Variants in ZNF17 observed in about 807,000 individuals in gnomAD.
ZNF17 encodes zinc finger protein 17, also known as zinc finger protein 17 (HPF3, KOX 10).
ZNF17 carries 4 observed loss-of-function variants against 7.7 expected under a neutral mutation model. The ratio of observed to expected loss-of-function variants is 0.52; its 90% CI spans 0.26 to 1.20. ZNF17 has a LOEUF of 1.20. Ranked by LOEUF, ZNF17 falls within the 50% of genes most tolerant of loss-of-function variation. ZNF17 has a pLI of 0.14. For missense variants in ZNF17, 738 were observed against 799.5 expected, an observed-to-expected ratio of 0.92 and a Z score of 0.93; for synonymous variants, 249 against 258.8, an observed-to-expected ratio of 0.96 and a Z score of 0.36.
chr19:57,412,140 A>C (rs2088781269), intron 1 of ZNF17, among the ~76,000 whole-genome samples: 1 of 152,138 alleles, frequency 6.6e-6, no homozygotes, highest in Non-Finnish European at 1.5e-5. Context: ...ATCTGCAAAA[A>C]CGGAGTTCTG....
At chr19:57,416,182 A>G (rs915084929) in intron 2 of ZNF17, among the ~76,000 whole-genome samples, 5 of 152,146 alleles carry the variant, frequency 3.3e-5, no homozygotes, top group Non-Finnish European at 7.4e-5. Context: ...CATTCTGGTC[A>G]TTCTAGGGGC....
chr19:57,411,599 C>G (rs2088777305), intron 1 of ZNF17, 193 bp downstream of exon 1: 1 of 1,405,354 alleles, frequency 7.1e-7, no homozygotes, highest in Admixed American at 2.9e-5. Context: ...AGAGGTGCTG[C>G]AGAGCGGGCG....
chr19:57,417,414 CAT>C (rs1379226485), intron 2 of ZNF17, among the ~76,000 whole-genome samples: 5 of 152,062 alleles, frequency 3.3e-5, no homozygotes, highest in Admixed American at 6.6e-5. Context: ...GAGAAAGAAT[CAT>C]GTGTGATTGT....
chr19:57,415,390 T>C (rs1325497564), intron 2 of ZNF17, among the ~76,000 whole-genome samples: 1 of 152,114 alleles, frequency 6.6e-6, no homozygotes, highest in Non-Finnish European at 1.5e-5. Context: ...AAGTCAAAAA[T>C]GTTCCAGAGA....
Position 57,420,783 on chromosome 19 carries a change from A to T in ZNF17, c.1297A>T (p.Ile433Phe). 1 of 1,614,162 alleles carries T rather than the reference A, an allele frequency of 6.2e-7. No homozygotes were observed. Among genetic ancestry groups the T allele is most frequent in the Non-Finnish European group, 8.5e-7 (1 of 1,180,030 alleles). Residue 433 changes from isoleucine to phenylalanine, a missense_variant, in exon 4 of 4, where the codon ATT (isoleucine) becomes TTT (phenylalanine). Transcript: ENST00000307658. Reference sequence around the variant, plus strand: ...CTTTATGGACACTTCCACACTCATTATTCATCAGAGAGTTCATACTGGAGA... The same window carrying T: ...CTTTATGGACACTTCCACACTCATTTTTCATCAGAGAGTTCATACTGGAGA... ...KFFMDTSTLI[I>F]HQRVHTGEKP... is the part of the protein sequence containing the mutation.
At position 57,421,579 on chromosome 19, in the gene ZNF17, A is replaced by G; in HGVS notation, c.*98A>G. On this transcript the variant is annotated 3_prime_UTR_variant, in exon 4 of 4. Coordinates refer to ENST00000307658, the MANE Select transcript of ZNF17 (RefSeq NM_001330617.2). The stretch of plus-strand genomic sequence containing the variant: ...GTTTTAAAAAAAGTATTCTTGTAGA[A>G]TACAGATAACATAAAATCTAACATC... 1 of 1,331,178 alleles carries G rather than the reference A, an allele frequency of 7.5e-7. No individual in the cohort carries two copies. 82.5% of individuals were successfully genotyped at this position (1,331,178 alleles called of 1,614,324 possible).
chr19:57,416,420 A>G (rs1373091835), intron 2 of ZNF17, among the ~76,000 whole-genome samples: 1 of 152,076 alleles, frequency 6.6e-6, no homozygotes, highest in African/African-American at 2.4e-5. Flanking sequence ...GGTGAGTCCA[A>G]GTTTGGTTAT....
chr19:57,413,435 A>G, intron 1 of ZNF17, 161 bp from the exon 2 acceptor site: 1 of 658,622 alleles, frequency 1.5e-6, no homozygotes, highest in East Asian at 2.7e-5. Flanking sequence ...GGGCACCGAG[A>G]CTTAAGGAAG....
In ZNF17 at chr19:57,420,149, G is replaced by C; in HGVS notation, c.663G>C (p.Glu221Asp). The change falls in exon 4 of 4, where the codon GAG becomes GAC. Residue 221 changes from glutamate (E) to aspartate (D), a missense_variant. Glu to Asp is a conservative substitution (Grantham distance 45). Coordinates refer to ENST00000307658, the MANE Select transcript of ZNF17 (RefSeq NM_001330617.2). ...TCCACACAGAGGAAAGGCCTTATGAGTGCAGTGAATGTGGCAAATTGTTTA... is the reference window on the plus strand; with the variant it reads ...TCCACACAGAGGAAAGGCCTTATGACTGCAGTGAATGTGGCAAATTGTTTA... Reference protein sequence around the residue: ...QKIHTEERPYECSECGKLFRY... With the variant: ...QKIHTEERPYDCSECGKLFRY... 1.2e-6 allele frequency: 2 copies of C among 1,613,592 alleles called. No individual in the cohort carries two copies. Among genetic ancestry groups the C allele is most frequent in the Non-Finnish European group, 1.7e-6 (2 of 1,179,470 alleles).
In ZNF17 at chr19:57,411,333, C is replaced by T; in HGVS notation, c.-94C>T. ...CAGGCGTTGGTGCCTCTGTCAGCGT[C>T]CAGGTCACTGCCGCTCCCGCCCCGC... On this transcript the variant is annotated 5_prime_UTR_variant, in exon 1 of 4. Transcript: ENST00000307658. 2 of 1,595,734 alleles carry T rather than the reference C, an allele frequency of 1.3e-6. No individual in the cohort carries two copies. The highest frequency in any genetic ancestry group is 1.7e-6 in the Non-Finnish European group (2 of 1,171,350).
intron 2 of ZNF17, among the ~76,000 whole-genome samples, chr19:57,415,236 C>T (rs935323655): frequency 5.9e-5 from 9 of 152,000 alleles, no homozygotes. Context: ...CGAGGAAGCT[C>T]GGGAGGTAGG....
At chr19:57,414,906 G>C (rs1446626694) in intron 2 of ZNF17, among the ~76,000 whole-genome samples, 1 of 151,628 alleles carries the variant, frequency 6.6e-6, no homozygotes, top group African/African-American at 2.4e-5. Context: ...AGTAGAGCCA[G>C]GGTTTCACCG....
Position 57,411,354 on chromosome 19 carries a change from C to G in ZNF17, c.-73C>G. The G allele has an allele frequency of 6.2e-7, 1 of 1,610,946 alleles. No individual in the cohort carries two copies. The highest frequency in any genetic ancestry group is 8.5e-7 in the Non-Finnish European group (1 of 1,178,596). On this transcript the variant is annotated 5_prime_UTR_variant, in exon 1 of 4. Coordinates refer to ENST00000307658, the MANE Select transcript of ZNF17 (RefSeq NM_001330617.2). ...GCGTCCAGGTCACTGCCGCTCCCGC[C>G]CCGCTCTTCCCTGGCTGTGCTGGCG...
At chr19:57,415,404 G>T (rs1392475612) in intron 2 of ZNF17, among the ~76,000 whole-genome samples, 1 of 152,158 alleles carries the variant, frequency 6.6e-6, no homozygotes, top group Non-Finnish European at 1.5e-5. Flanking sequence ...CCAGAGACTC[G>T]AGTAGAGGTG....
chr19:57,417,857 AAAAAAG>A, intron 2 of ZNF17, 49 bp from the exon 3 acceptor site: 20 of 1,587,344 alleles, frequency 1.3e-5, no homozygotes, highest in Admixed American at 1.9e-5. Context: ...AAAAAAAAAA[AAAAAAG>A]AAAGAAAAAA....
At chr19:57,418,107 T>G (rs1022319062) in intron 3 of ZNF17, 69 bp downstream of exon 3, 2 of 1,563,488 alleles carry the variant, frequency 1.3e-6, no homozygotes, top group Non-Finnish European at 1.7e-6. Flanking sequence ...CCTTGGCATC[T>G]CCGTCTCACA....
At chr19:57,412,395 A>G (rs1273526069) in intron 1 of ZNF17, among the ~76,000 whole-genome samples, 1 of 151,732 alleles carries the variant, frequency 6.6e-6, no homozygotes, top group Non-Finnish European at 1.5e-5. Context: ...CCAGTAACTG[A>G]CCTGCTTGCT....
chr19:57,411,291 C>G lies in ZNF17; in HGVS notation c.-136C>G, dbSNP rs1312444294. The G allele has an allele frequency of 6.6e-7, 1 of 1,514,404 alleles. No individual in the cohort carries two copies. Among genetic ancestry groups the G allele is most frequent in the Non-Finnish European group, 8.9e-7 (1 of 1,118,250 alleles). The allele number at this position is 1,514,404 out of a possible 1,614,324, so 93.8% of individuals were successfully genotyped here. A position where few individuals can be genotyped will look rare whatever the true frequency, so the allele number is the denominator to read the frequency against. On this transcript the variant is annotated 5_prime_UTR_variant, in exon 1 of 4. Transcript: ENST00000307658. The stretch of plus-strand genomic sequence containing the variant: ...CCGTTGTACAGAGGCTAGAGTGAGG[C>G]TCGGTTGAATCGGTTGCAGGCGTTG...
chr19:57,418,094 T>C, intron 3 of ZNF17, 56 bp downstream of exon 3: 1 of 1,579,620 alleles, frequency 6.3e-7, no homozygotes, highest in Non-Finnish European at 8.6e-7. Context: ...TTTTCACTTT[T>C]TTCCTTGGCA....
Sources: gnomAD v4.1 joint callset for allele counts (sites outside exome capture counted in the v4.1 genomes callset) on GRCh38, gnomAD v4.1.1 for gene constraint, MANE v1.5 for transcripts, NCBI Gene and HGNC (gene_info 2026-07-23, HGNC 2026-07-21) for gene names.